Variants in AKAP19 observed in about 807,000 individuals in gnomAD.
AKAP19 encodes small A-kinase anchoring protein.
the AKAP19 span, among the ~76,000 whole-genome samples, chr2:190,152,555 C>T: frequency 6.6e-6 from 1 of 152,316 alleles, no homozygotes; most frequent in Admixed American, 6.5e-5. Flanking sequence ...GTTTAAACCC[C>T]TAATAAGAAT....
chr2:190,115,951 A>G, the AKAP19 span, among the ~76,000 whole-genome samples: 1 of 152,318 alleles, frequency 6.6e-6, no homozygotes, highest in African/African-American at 2.4e-5. Flanking sequence ...GTTCATACTC[A>G]TGCACTATAT....
At chr2:190,068,737 A>T in the AKAP19 span, among the ~76,000 whole-genome samples, 1 of 152,298 alleles carries the variant, frequency 6.6e-6, no homozygotes, top group South Asian at 2.1e-4. Flanking sequence ...TAGTTAGTGT[A>T]TTTATAGACT....
the AKAP19 span, among the ~76,000 whole-genome samples, chr2:189,901,365 G>A: frequency 6.6e-6 from 1 of 152,010 alleles, no homozygotes; most frequent in Admixed American, 6.6e-5. Context: ...CTGAGACAGA[G>A]TCTCACTCAC....
chr2:189,951,444 C>G, the AKAP19 span, among the ~76,000 whole-genome samples: 1 of 152,068 alleles, frequency 6.6e-6, no homozygotes, highest in African/African-American at 2.4e-5. Flanking sequence ...ACCAAGTAAT[C>G]CGCCCACCTT....
At chr2:189,889,335 C>T in the AKAP19 span, among the ~76,000 whole-genome samples, 3 of 152,170 alleles carry the variant, frequency 2.0e-5, no homozygotes, top group Admixed American at 1.3e-4. Flanking sequence ...ATTCGGCTTG[C>T]CAGTATTTTA....
chr2:190,200,190 T>G, the AKAP19 span: 4 of 1,548,334 alleles, frequency 2.6e-6, no homozygotes, highest in African/African-American at 5.5e-5. Context: ...GGTGCTAGTT[T>G]GAATAAATGT....
chr2:189,893,393 T>C, the AKAP19 span, among the ~76,000 whole-genome samples: 1 of 152,164 alleles, frequency 6.6e-6, no homozygotes, highest in Non-Finnish European at 1.5e-5. Flanking sequence ...GTGAAGACCA[T>C]GGGAAAAGCA....
the AKAP19 span, among the ~76,000 whole-genome samples, chr2:190,149,669 C>G: frequency 3.9e-5 from 6 of 152,092 alleles, no homozygotes; most frequent in African/African-American, 1.4e-4. Flanking sequence ...TTTTATTCCA[C>G]TGTGGTCTCA....
chr2:190,172,892 C>T, the AKAP19 span, among the ~76,000 whole-genome samples: 1 of 152,184 alleles, frequency 6.6e-6, no homozygotes, highest in African/African-American at 2.4e-5. Context: ...GCGTGCCGAT[C>T]ACCTGAGGTC....
the AKAP19 span, among the ~76,000 whole-genome samples, chr2:189,929,997 T>C: frequency 6.6e-6 from 1 of 152,236 alleles, no homozygotes. Flanking sequence ...CTTTACACAA[T>C]TCCTATGTAC....
the AKAP19 span, among the ~76,000 whole-genome samples, chr2:190,124,586 T>G: frequency 3.9e-5 from 6 of 152,052 alleles, no homozygotes; most frequent in African/African-American, 1.5e-4. Context: ...CATGCACACC[T>G]GTAGCCCCAG....
At chr2:190,201,497 T>C in the AKAP19 span, 10 of 167,092 alleles carry the variant, frequency 6.0e-5, no homozygotes, top group East Asian at 5.8e-4. Flanking sequence ...TATTGAAATA[T>C]AAAGGTTAAA....
At chr2:190,164,513 G>T in the AKAP19 span, among the ~76,000 whole-genome samples, 3 of 152,128 alleles carry the variant, frequency 2.0e-5, no homozygotes, top group Non-Finnish European at 4.4e-5. Context: ...CTGGGCAACA[G>T]AGCCAGACTC....
the AKAP19 span, among the ~76,000 whole-genome samples, chr2:189,961,820 G>A: frequency 6.6e-6 from 1 of 152,044 alleles, no homozygotes; most frequent in Middle Eastern, 3.4e-3. Flanking sequence ...GCTGAGGCAG[G>A]AGAATCACTT....
chr2:189,886,275 A>C, the AKAP19 span, among the ~76,000 whole-genome samples: 2 of 152,186 alleles, frequency 1.3e-5, no homozygotes, highest in Non-Finnish European at 2.9e-5. Flanking sequence ...TAGGAGTGAG[A>C]AAACAATTAA....
At chr2:190,011,895 G>C in the AKAP19 span, among the ~76,000 whole-genome samples, 1 of 151,994 alleles carries the variant, frequency 6.6e-6, no homozygotes, top group Admixed American at 6.6e-5. Context: ...TTTTGCTCAA[G>C]ATTGCCTTGA....
the AKAP19 span, among the ~76,000 whole-genome samples, chr2:190,040,288 T>C: frequency 2.0e-5 from 3 of 152,244 alleles, no homozygotes; most frequent in African/African-American, 7.2e-5. Flanking sequence ...TGAGCTTTTT[T>C]TCATATGCTT....
the AKAP19 span, among the ~76,000 whole-genome samples, chr2:189,996,835 G>A: frequency 1.3e-5 from 2 of 152,174 alleles, no homozygotes; most frequent in Non-Finnish European, 2.9e-5. Context: ...GGTTTCCTGA[G>A]AGCTGGACTG....
chr2:189,923,292 C>T, the AKAP19 span: 8 of 1,575,616 alleles, frequency 5.1e-6, no homozygotes, highest in South Asian at 9.0e-5. Flanking sequence ...TTCTCCCTCC[C>T]CTTCTTGTTT....
Sources: allele counts gnomAD v4.1 joint callset (sites outside exome capture counted in the v4.1 genomes callset), GRCh38; gene constraint gnomAD v4.1.1; transcripts MANE v1.5; gene names NCBI Gene and HGNC (gene_info 2026-07-23, HGNC 2026-07-21).